The following ITGAL variants were observed in gnomAD, a reference collection of about 807,000 sequenced individuals.
ITGAL encodes integrin alpha-L.
ITGAL carries 68 observed loss-of-function variants against 138.4 expected under a neutral mutation model. That is an observed-to-expected ratio of 0.49 (90% CI 0.40 to 0.60). The LOEUF (loss-of-function observed/expected upper bound fraction) is 0.60. Among genes scored for constraint, ITGAL ranks in the 20% least tolerant of loss-of-function variants. The pLI is 0.00. For missense variants in ITGAL, 1,256 were observed against 1,478.6 expected (o/e 0.85, Z 2.47); for synonymous variants, 561 against 584.3 (o/e 0.96, Z 0.57).
In ITGAL at chr16:30,506,725, C is replaced by T; in HGVS notation, c.2377C>T (p.Leu793=). 1.2e-6 allele frequency: 2 copies of T among 1,613,828 alleles called. No individual in the cohort carries two copies. Among genetic ancestry groups the T allele is most frequent in the South Asian group, 2.2e-5 (2 of 91,066 alleles). ...VSFSPARSRA[L]RLTAFASLSV... is the part of the protein sequence containing the mutation. ...GATCATCCCCCACAGATCCAGAGCC[C>T]TGCGTCTAACTGCTTTTGCCAGCCT... Residue 793 remains leucine, a synonymous_variant, in exon 21 of 31, where the codon CTG becomes TTG. Transcript: ENST00000356798.
chr16:30,514,885 C>T (rs1167509274), intron 25 of ITGAL, among the ~76,000 whole-genome samples: 1 of 147,948 alleles, frequency 6.8e-6, no homozygotes, highest in African/African-American at 2.5e-5. Flanking sequence ...AGTGCAGTGG[C>T]GTAATCTCAG....
chr16:30,475,442 G>C, intron 3 of ITGAL, 42 bp downstream of exon 3: 1 of 1,602,388 alleles, frequency 6.2e-7, no homozygotes, highest in East Asian at 2.2e-5. Flanking sequence ...GGGATCTTGG[G>C]GAAACTGAGG....
Position 30,494,620 on chromosome 16 carries a change from G to T in ITGAL, c.1366-93G>T. 7.0e-7 allele frequency: 1 copy of T among 1,421,250 alleles called. No individual in the cohort carries two copies. The allele number at this position is 1,421,250 out of a possible 1,614,324, so 88.0% of individuals were successfully genotyped here. A position where few individuals can be genotyped will look rare whatever the true frequency, so the allele number is the denominator to read the frequency against. On this transcript the variant is annotated intron_variant, in intron 12 of 30. Coordinates refer to ENST00000356798, the MANE Select transcript of ITGAL (RefSeq NM_002209.3). The surrounding 1 kb of genome is among the most constrained non-coding windows in gnomAD (Gnocchi z 4.2). The stretch of plus-strand genomic sequence containing the variant: ...TCCAAGATTGGAACCTGCATTTGAG[G>T]GAGTGGCACAAGATGAACACGGTAC...
At chr16:30,503,595 GAAA>G (rs974327139) in intron 17 of ITGAL, among the ~76,000 whole-genome samples, 1 of 148,182 alleles carries the variant, frequency 6.7e-6, no homozygotes, top group Non-Finnish European at 1.5e-5. Flanking sequence ...AAAGAAGAAA[GAAA>G]AAAAGAAAAG....
intron 3 of ITGAL, 41 bp from the exon 4 acceptor site, chr16:30,475,472 A>G: frequency 6.2e-7 from 1 of 1,603,650 alleles, no homozygotes; most frequent in Non-Finnish European, 8.5e-7. Context: ...GCCCACCTAG[A>G]CTGCCTGAGC....
Position 30,484,139 on chromosome 16 carries a change from G to A in ITGAL, c.882G>A (p.Glu294=). ...IGIGKHFQTK[E]SQETLHKFAS... ...TTGGAAAGCATTTTCAGACCAAGGA[G>A]AGTCAGGAGACCCTCCACAAATTTG... Residue 294 remains glutamate, a synonymous_variant, in exon 9 of 31, where the codon GAG becomes GAA. Transcript: ENST00000356798. 6.2e-7 allele frequency: 1 copy of A among 1,614,096 alleles called. No homozygotes were observed. The highest frequency in any genetic ancestry group is 1.1e-5 in the South Asian group (1 of 91,070).
chr16:30,485,073 C>T lies in ITGAL; in HGVS notation c.1006+810C>T, dbSNP rs115871506. Among the ~76,000 whole-genome samples the T allele has an allele frequency of 3.7e-3, 563 of 152,164 alleles. 2 individuals carry two copies. The highest frequency in any genetic ancestry group is 0.013 in the African/African-American group (546 of 41,518). ...CTTTAGAAGGAATTTAGGAGAGGGC[C>T]ATTTGAGAGCAGCCTCTGTGATCTT... is the stretch of plus-strand genomic sequence containing the variant. On this transcript the variant is annotated intron_variant, in intron 9 of 30. Transcript: ENST00000356798.
chr16:30,506,910 CCTT>C, intron 21 of ITGAL, 54 bp downstream of exon 21: 1 of 1,598,328 alleles, frequency 6.3e-7, no homozygotes, highest in Non-Finnish European at 8.6e-7. Flanking sequence ...GACACTGCCC[CCTT>C]CTTTGAGCCC....
intron 18 of ITGAL, chr16:30,505,018 T>TGAAA: frequency 4.0e-6 from 1 of 249,194 alleles, no homozygotes; most frequent in Non-Finnish European, 7.2e-6. Flanking sequence ...AAGACAGTCT[T>TGAAA]AAAAAAAAAA....
At chr16:30,474,410 T>TC in intron 2 of ITGAL, 112 bp downstream of exon 2, 1 of 695,370 alleles carries the variant, frequency 1.4e-6, no homozygotes, top group Non-Finnish European at 2.5e-6. Context: ...GAGGCAGCTC[T>TC]CCAGGGGTTC....
intron 2 of ITGAL, 127 bp downstream of exon 2, chr16:30,474,425 C>G (rs2050439193): frequency 3.1e-6 from 2 of 643,398 alleles, no homozygotes; most frequent in Non-Finnish European, 5.6e-6. Context: ...GGGTTCCCGT[C>G]TGGAGGAGCC....
intron 25 of ITGAL, 80 bp from the exon 26 acceptor site, chr16:30,516,893 C>T (rs1207451234): frequency 7.4e-6 from 7 of 946,562 alleles, no homozygotes; most frequent in African/African-American, 1.6e-5. Flanking sequence ...CTGGAAGAGG[C>T]GTGCAAGGGC....
At chr16:30,477,725 CAA>C (rs755256243) in intron 4 of ITGAL, among the ~76,000 whole-genome samples, 2 of 130,458 alleles carry the variant, frequency 1.5e-5, no homozygotes, top group Non-Finnish European at 1.6e-5. Context: ...GCCATCTCTA[CAA>C]AAAAAAAAAA....
chr16:30,492,407 C>T (rs113582260), intron 11 of ITGAL, among the ~76,000 whole-genome samples: 11,832 of 143,116 alleles, frequency 0.083, 1,480 homozygotes, highest in African/African-American at 0.28. Context: ...CCCGCCACCA[C>T]GCCCAGCTAA....
At position 30,494,935 on chromosome 16, in the gene ITGAL, C is replaced by A; in HGVS notation, c.1503+85C>A. 2 of 1,454,928 alleles carry A rather than the reference C, an allele frequency of 1.4e-6. No individual in the cohort carries two copies. The highest frequency in any genetic ancestry group is 1.4e-5 in the South Asian group (1 of 72,472). 90.1% of individuals were successfully genotyped at this position (1,454,928 alleles called of 1,614,324 possible). On this transcript the variant is annotated intron_variant, in intron 13 of 30. Transcript: ENST00000356798. The surrounding 1 kb of genome is among the most constrained non-coding windows in gnomAD (Gnocchi z 4.2). The stretch of plus-strand genomic sequence containing the variant: ...CAGTTATTCTGAAGGCTTTCTCTGT[C>A]TGGTCACGTGGCGATCAAACTTTTA...
In ITGAL at chr16:30,474,315, A is replaced by G; in HGVS notation, c.164+17A>G. 6.4e-7 allele frequency: 1 copy of G among 1,565,642 alleles called. No individual in the cohort carries two copies. Among genetic ancestry groups the G allele is most frequent in the Non-Finnish European group, 8.7e-7 (1 of 1,146,904 alleles). On this transcript the variant is annotated intron_variant, in intron 2 of 30. Transcript: ENST00000356798. ...CGGAAACGGGTGAGCTGTGCCCCAC[A>G]AGTCCTCCTCCTGATGCCCGCCCTG...
At chr16:30,475,433 G>A in intron 3 of ITGAL, 33 bp downstream of exon 3, 1 of 1,604,170 alleles carries the variant, frequency 6.2e-7, no homozygotes, top group East Asian at 2.2e-5. Flanking sequence ...GGGAGGAATG[G>A]GATCTTGGGG....
chr16:30,513,875 T>G (rs190933718), intron 25 of ITGAL, 29 bp downstream of exon 25: 2 of 1,502,880 alleles, frequency 1.3e-6, no homozygotes, highest in East Asian at 4.5e-5. Context: ...AAGGTCCTTA[T>G]AGGTCACACA....
At chr16:30,473,798 G>T (rs886938728) in intron 1 of ITGAL, among the ~76,000 whole-genome samples, 1 of 152,174 alleles carries the variant, frequency 6.6e-6, no homozygotes, top group African/African-American at 2.4e-5. Flanking sequence ...GGGAGGAGGC[G>T]CCTGGGCCCC....
Sources: gnomAD v4.1 joint callset for allele counts (sites outside exome capture counted in the v4.1 genomes callset) on GRCh38, gnomAD v4.1.1 for gene constraint, Gnocchi (gnomAD v3.1) non-coding constraint, MANE v1.5 for transcripts, NCBI Gene and HGNC (gene_info 2026-07-23, HGNC 2026-07-21) for gene names.